Variants in PHACTR3 observed in about 807,000 individuals in gnomAD.
PHACTR3 encodes phosphatase and actin regulator 3, also known as protein phosphatase 1, regulatory subunit 123.
PHACTR3 carries 16 observed loss-of-function variants against 66.8 expected under a neutral mutation model. The ratio of observed to expected loss-of-function variants is 0.24; its 90% CI spans 0.16 to 0.36. The LOEUF (loss-of-function observed/expected upper bound fraction) is 0.36, where lower values mean the gene tolerates loss of function less well. Among genes scored for constraint, PHACTR3 ranks in the 10% least tolerant of loss-of-function variants. PHACTR3 has a pLI of 1.00. For missense variants in PHACTR3, 647 were observed against 719.9 expected, an observed-to-expected ratio of 0.90 and a Z score of 1.16; for synonymous variants, 323 against 292.1, an observed-to-expected ratio of 1.11 and a Z score of -1.08.
At chr20:59,729,198 C>A (rs1213854915) in intron 1 of PHACTR3, among the ~76,000 whole-genome samples, 4 of 152,046 alleles carry the variant, frequency 2.6e-5, no homozygotes, top group Non-Finnish European at 5.9e-5. Flanking sequence ...GAAGGGAGGG[C>A]ATTGCGGGAA....
intron 1 of PHACTR3, among the ~76,000 whole-genome samples, chr20:59,699,848 G>A (rs1221894755): frequency 1.3e-5 from 2 of 152,148 alleles, no homozygotes. Flanking sequence ...TGTAATCCCA[G>A]CTACTCAGGA....
In PHACTR3 at chr20:59,663,022, A is replaced by G. The variant is rs552163248; in HGVS notation, c.118+57890A>G. On this transcript the variant is annotated intron_variant, in intron 1 of 12. Coordinates refer to ENST00000371015, the MANE Select transcript of PHACTR3 (RefSeq NM_080672.5). ...CAGTAGGGCTGAAACCTGCCCTTGAAAGTTTCTGGGGCAGGATGCCCCTGG... is the reference window on the plus strand; with the variant it reads ...CAGTAGGGCTGAAACCTGCCCTTGAGAGTTTCTGGGGCAGGATGCCCCTGG... Among the ~76,000 whole-genome samples the G allele has an allele frequency of 2.0e-5, 3 of 152,288 alleles. No individual in the cohort carries two copies. In the South Asian group the frequency reaches 6.2e-4, roughly 32 times the overall value.
At chr20:59,778,439 C>G (rs573301865) in intron 7 of PHACTR3, among the ~76,000 whole-genome samples, 139 of 152,272 alleles carry the variant, frequency 9.1e-4, no homozygotes, top group African/African-American at 3.0e-3. Context: ...CTTGCTGTCC[C>G]TGGAGGTGTG....
At chr20:59,767,454 A>G in intron 5 of PHACTR3, 59 bp downstream of exon 5, 1 of 1,512,476 alleles carries the variant, frequency 6.6e-7, no homozygotes, top group Non-Finnish European at 9.1e-7. Context: ...CCATCCATCT[A>G]TCCTACATTC....
intron 8 of PHACTR3, among the ~76,000 whole-genome samples, chr20:59,833,326 C>T (rs1271576182): frequency 6.6e-6 from 1 of 152,224 alleles, no homozygotes; most frequent in Admixed American, 6.5e-5. Context: ...TTTTTGCTGG[C>T]TTGATGTCCA....
At chr20:59,641,129 A>T (rs2035085092) in intron 1 of PHACTR3, among the ~76,000 whole-genome samples, 1 of 152,094 alleles carries the variant, frequency 6.6e-6, no homozygotes, top group South Asian at 2.1e-4. Flanking sequence ...CTATCTATTC[A>T]TCTATTTATC....
At chr20:59,683,280 T>C (rs1240287162) in intron 1 of PHACTR3, among the ~76,000 whole-genome samples, 2 of 152,190 alleles carry the variant, frequency 1.3e-5, no homozygotes, top group Non-Finnish European at 2.9e-5. Context: ...ATTTGGAGCA[T>C]CTATTTGACA....
intron 1 of PHACTR3, among the ~76,000 whole-genome samples, chr20:59,615,099 A>T (rs562734408): frequency 1.3e-5 from 2 of 152,134 alleles, no homozygotes; most frequent in Non-Finnish European, 2.9e-5. Context: ...CAGGTTTTCC[A>T]TCAAGAGGGG....
In PHACTR3 at chr20:59,738,912, A is replaced by T. The variant is rs2039048598; in HGVS notation, c.119-4195A>T. Among the ~76,000 whole-genome samples, 1 of 152,066 alleles carries T rather than the reference A, an allele frequency of 6.6e-6. No individual in the cohort carries two copies. The highest frequency in any genetic ancestry group is 1.5e-5 in the Non-Finnish European group (1 of 68,004). On this transcript the variant is annotated intron_variant, in intron 1 of 12. Coordinates refer to ENST00000371015, the MANE Select transcript of PHACTR3 (RefSeq NM_080672.5). This position sits in a 1 kb window ranked among gnomAD's most constrained non-coding sequence, Gnocchi z 4.4. ...CCTAGCCCATCCTTCCCCTCGTGCA[A>T]AGCATGCTCAGGACAGCAGGCTTTC...
intron 1 of PHACTR3, among the ~76,000 whole-genome samples, chr20:59,684,565 T>G (rs2036786090): frequency 6.6e-6 from 1 of 152,186 alleles, no homozygotes; most frequent in Admixed American, 6.5e-5. Context: ...GGAGGGAGTC[T>G]GCTGTCATAG....
chr20:59,699,465 T>C (rs12481511), intron 1 of PHACTR3, among the ~76,000 whole-genome samples: 21,345 of 152,188 alleles, frequency 0.14, 1,781 homozygotes, highest in Non-Finnish European at 0.19. Context: ...TCCTAGATGT[T>C]GTCATTCCCC....
chr20:59,751,122 C>G (rs965846627), intron 3 of PHACTR3, among the ~76,000 whole-genome samples: 1 of 152,182 alleles, frequency 6.6e-6, no homozygotes, highest in Non-Finnish European at 1.5e-5. Context: ...CACGCAGTGC[C>G]GCCGCCTCTG....
intron 4 of PHACTR3, among the ~76,000 whole-genome samples, chr20:59,766,620 G>A (rs117279871): frequency 0.022 from 3,402 of 152,224 alleles, 58 homozygotes; most frequent in Non-Finnish European, 0.035. Context: ...CCTCCAAGTC[G>A]ATCCTTCCTA....
intron 3 of PHACTR3, among the ~76,000 whole-genome samples, chr20:59,751,262 C>A (rs2426828): frequency 0.57 from 86,955 of 152,008 alleles, 26,097 homozygotes; most frequent in Non-Finnish European, 0.65. Flanking sequence ...GACGAATCTG[C>A]AGCCGGGGGC....
At chr20:59,621,462 A>G (rs921973760) in intron 1 of PHACTR3, among the ~76,000 whole-genome samples, 2 of 152,216 alleles carry the variant, frequency 1.3e-5, no homozygotes, top group African/African-American at 4.8e-5. Flanking sequence ...GGCTGGGAGC[A>G]TGGTCTTGGC....
Position 59,830,604 on chromosome 20 carries a change from C to G in PHACTR3, c.1329-5901C>G, listed in dbSNP as rs1243946861. ...GCGCTGGGCAGGATGGAGCCTGCAG[C>G]TCTGCTGGCTGAAGGTGGAAGAGAC... On this transcript the variant is annotated intron_variant, in intron 8 of 12. Coordinates refer to ENST00000371015, the MANE Select transcript of PHACTR3 (RefSeq NM_080672.5). The surrounding 1 kb of genome is among the most constrained non-coding windows in gnomAD (Gnocchi z 5.8). Among the ~76,000 whole-genome samples the G allele has an allele frequency of 1.3e-5, 2 of 152,184 alleles. No homozygotes were observed. Among genetic ancestry groups the G allele is most frequent in the Admixed American group, 1.3e-4 (2 of 15,282 alleles).
upstream of PHACTR3, among the ~76,000 whole-genome samples, chr20:59,602,723 AC>A (rs1465932686): frequency 6.6e-6 from 1 of 152,088 alleles, no homozygotes; most frequent in Non-Finnish European, 1.5e-5. Context: ...TTCCAATGGA[AC>A]TGAACTGTCT....
At chr20:59,702,950 G>T (rs189045420) in intron 1 of PHACTR3, among the ~76,000 whole-genome samples, 84 of 152,256 alleles carry the variant, frequency 5.5e-4, no homozygotes, top group Admixed American at 1.3e-3. Context: ...AGATGGAGCT[G>T]ACAGTGATGT....
chr20:59,688,868 G>A (rs1344165370), intron 1 of PHACTR3, among the ~76,000 whole-genome samples: 3 of 152,178 alleles, frequency 2.0e-5, no homozygotes, highest in Non-Finnish European at 2.9e-5. Flanking sequence ...GAGGCCAAGA[G>A]TGTTGTAGGA....
Sources: allele counts gnomAD v4.1 joint callset (sites outside exome capture counted in the v4.1 genomes callset), GRCh38; gene constraint gnomAD v4.1.1; non-coding constraint Gnocchi (gnomAD v3.1); transcripts MANE v1.5; gene names NCBI Gene and HGNC (gene_info 2026-07-23, HGNC 2026-07-21).